The following POFUT2 variants were observed in gnomAD, a reference collection of about 807,000 sequenced individuals.
The protein encoded by POFUT2 is protein O-fucosyltransferase 2.
In POFUT2, 30 loss-of-function variants were observed where a neutral mutation model predicts 55.0. The observed-to-expected ratio is 0.55, with a 90% CI of 0.41 to 0.74. The LOEUF (loss-of-function observed/expected upper bound fraction) is 0.74, where lower values mean the gene tolerates loss of function less well. Among genes scored for constraint, POFUT2 ranks in the 30% least tolerant of loss-of-function variants. The pLI, the probability that POFUT2 is intolerant of heterozygous loss-of-function variation, is 0.00. For missense variants in POFUT2, 524 were observed against 562.6 expected (o/e 0.93, Z 0.69); for synonymous variants, 267 against 231.1 (o/e 1.16, Z -1.41).
At chr21:45,287,680 C>CCCAACA in intron 1 of POFUT2, 61 bp downstream of exon 1, 1 of 1,312,214 alleles carries the variant, frequency 7.6e-7, no homozygotes, top group Non-Finnish European at 9.9e-7. Flanking sequence ...CGCCCCCATC[C>CCCAACA]CATCCTCTGA....
At position 45,284,840 on chromosome 21, in the gene POFUT2, T is replaced by C. The variant is rs1045296636; in HGVS notation, c.382+838A>G. On this transcript the variant is annotated intron_variant, in intron 2 of 8. Coordinates refer to ENST00000349485, the MANE Select transcript of POFUT2 (RefSeq NM_133635.6). This position sits in a 1 kb window ranked among gnomAD's most constrained non-coding sequence, Gnocchi z 5.8. Reference sequence around the variant, plus strand: ...GGAATGCTTTTTACAAGCAGCAGACTTTCTGACTTGGTATCAACAAGGATG... The same window carrying C: ...GGAATGCTTTTTACAAGCAGCAGACCTTCTGACTTGGTATCAACAAGGATG... 6.6e-6 allele frequency among the ~76,000 whole-genome samples: 1 copy of C among 152,188 alleles called. No homozygotes were observed. Among genetic ancestry groups the C allele is most frequent in the African/African-American group, 2.4e-5 (1 of 41,434 alleles).
intron 7 of POFUT2, among the ~76,000 whole-genome samples, chr21:45,268,512 G>A (rs1457281605): frequency 7.2e-5 from 11 of 151,920 alleles, no homozygotes; most frequent in African/African-American, 2.2e-4. Context: ...ATCTCCGCCC[G>A]GCCGCCATCC....
At position 45,267,001 on chromosome 21, in the gene POFUT2, C is replaced by T; in HGVS notation, c.1136+589G>A. The T allele has an allele frequency of 9.5e-7, 1 of 1,050,786 alleles. No individual in the cohort carries two copies. Among genetic ancestry groups the T allele is most frequent in the Non-Finnish European group, 1.1e-6 (1 of 869,706 alleles). 65.1% of individuals were successfully genotyped at this position (1,050,786 alleles called of 1,614,324 possible). A position where few individuals can be genotyped will look rare whatever the true frequency, so the allele number is the denominator to read the frequency against. On this transcript the variant is annotated intron_variant, in intron 8 of 8. Transcript: ENST00000349485. The surrounding 1 kb of genome is among the most constrained non-coding windows in gnomAD (Gnocchi z 4.4). The stretch of plus-strand genomic sequence containing the variant: ...CCAGAGGAATGACTGCACGCAGGGC[C>T]CACGCTCCCGGCCTCTGGGACGCTC...
Position 45,265,263 on chromosome 21 carries a change from C to G in POFUT2, c.*219G>C, listed in dbSNP as rs1221484165. 4.9e-6 allele frequency: 2 copies of G among 412,296 alleles called. No individual in the cohort carries two copies. The highest frequency in any genetic ancestry group is 4.1e-5 in the African/African-American group (2 of 48,436). 25.5% of individuals were successfully genotyped at this position (412,296 alleles called of 1,614,324 possible). On this transcript the variant is annotated 3_prime_UTR_variant, in exon 9 of 9. Coordinates refer to ENST00000349485, the MANE Select transcript of POFUT2 (RefSeq NM_133635.6). This position sits in a 1 kb window ranked among gnomAD's most constrained non-coding sequence, Gnocchi z 4.6. ...ACGCTGCCTGAAAACAACCGCCACC[C>G]CCGAGAGCAGCGGAGCCTCTTCATC...
Position 45,283,364 on chromosome 21 carries a change from G to GAGC in POFUT2, c.527+16_527+18dup. ...GGTGGGGGGGCACCTGCGGCAGGGG[G>GAGC]AGCAGCCTCAGCAGGCACCTGTAGT... On this transcript the variant is annotated intron_variant, in intron 3 of 8. Coordinates refer to ENST00000349485, the MANE Select transcript of POFUT2 (RefSeq NM_133635.6). 1 of 1,586,252 alleles carries GAGC rather than the reference G, an allele frequency of 6.3e-7. No individual in the cohort carries two copies. Among genetic ancestry groups the GAGC allele is most frequent in the Non-Finnish European group, 8.6e-7 (1 of 1,169,326 alleles).
intron 6 of POFUT2, among the ~76,000 whole-genome samples, chr21:45,276,205 C>A (rs2093262107): frequency 6.8e-6 from 1 of 146,696 alleles, no homozygotes; most frequent in South Asian, 2.2e-4. Flanking sequence ...AAAACAAAAA[C>A]AAATTAATTA....
intron 8 of POFUT2, chr21:45,266,515 C>T (rs915022985): frequency 5.5e-6 from 6 of 1,083,544 alleles, no homozygotes; most frequent in East Asian, 7.6e-5. Context: ...TCCTGGGCTG[C>T]GGAGACAGCA....
At chr21:45,280,799 C>T (rs2030542787) in intron 4 of POFUT2, among the ~76,000 whole-genome samples, 1 of 151,818 alleles carries the variant, frequency 6.6e-6, no homozygotes, top group African/African-American at 2.4e-5. Flanking sequence ...GTCTTGGACT[C>T]GCCTCACCCC....
chr21:45,280,920 A>G (rs9974686), intron 4 of POFUT2, among the ~76,000 whole-genome samples: 2 of 152,234 alleles, frequency 1.3e-5, no homozygotes, highest in African/African-American at 2.4e-5. Context: ...CCATTTTTCT[A>G]ATGGACAAAA....
In POFUT2 at chr21:45,283,388, G is replaced by A; in HGVS notation, c.522C>T (p.Tyr174=). The change falls in exon 3 of 9, where the codon TAC becomes TAT. Residue 174 remains tyrosine (Y), a synonymous_variant. Coordinates refer to ENST00000349485, the MANE Select transcript of POFUT2 (RefSeq NM_133635.6). ...QLLYSQDKHE[Y]YRGWFWGYEE... The stretch of plus-strand genomic sequence containing the variant: ...GGAGCAGCCTCAGCAGGCACCTGTA[G>A]TACTCGTGCTTGTCCTGGGAGTACA... The A allele has an allele frequency of 6.2e-7, 1 of 1,607,850 alleles. No individual in the cohort carries two copies.
At chr21:45,283,822 C>T (rs1411207619) in intron 2 of POFUT2, among the ~76,000 whole-genome samples, 1 of 152,176 alleles carries the variant, frequency 6.6e-6, no homozygotes, top group Non-Finnish European at 1.5e-5. Flanking sequence ...GTGAGCCCAT[C>T]CGGCCCTCAC....
intron 8 of POFUT2, chr21:45,266,607 C>T (rs1412458573): frequency 5.8e-6 from 6 of 1,033,970 alleles, no homozygotes; most frequent in Non-Finnish European, 7.0e-6. Flanking sequence ...CACACCTCCG[C>T]CCTGACCTAA....
chr21:45,269,978 G>A lies in POFUT2; in HGVS notation c.873C>T (p.Val291=), dbSNP rs1260029822. The change falls in exon 7 of 9, where the codon GTC becomes GTT. Residue 291 remains valine (V), a synonymous_variant. Coordinates refer to ENST00000349485, the MANE Select transcript of POFUT2 (RefSeq NM_133635.6). ...GSALGGPYLG[V]HLRRKDFIWG... Reference sequence around the variant, plus strand: ...AGATGAAATCTTTTCTTCTCAGGTGGACTCCCAGGTAGGGGCCCCCTAGCG... The same window carrying A: ...AGATGAAATCTTTTCTTCTCAGGTGAACTCCCAGGTAGGGGCCCCCTAGCG... The A allele has an allele frequency of 1.3e-6, 2 of 1,583,466 alleles. No individual in the cohort carries two copies. The highest frequency in any genetic ancestry group is 3.9e-5 in the Admixed American group (2 of 51,928).
chr21:45,279,655 G>C (rs1329235676), intron 4 of POFUT2, among the ~76,000 whole-genome samples: 1 of 152,166 alleles, frequency 6.6e-6, no homozygotes, highest in Non-Finnish European at 1.5e-5. Context: ...TCTGAGGACT[G>C]CACCAAGGGC....
At chr21:45,266,449 G>A (rs952503673) in intron 8 of POFUT2, 4 of 1,152,334 alleles carry the variant, frequency 3.5e-6, no homozygotes, top group South Asian at 1.7e-5. Context: ...CGAGCGCTTC[G>A]CGCAGCTGAG....
At position 45,267,527 on chromosome 21, in the gene POFUT2, G is replaced by A. The variant is rs2093167488; in HGVS notation, c.1136+63C>T. 5 of 1,614,140 alleles carry A rather than the reference G, an allele frequency of 3.1e-6. No homozygotes were observed. The highest frequency in any genetic ancestry group is 2.2e-5 in the East Asian group (1 of 44,870). On this transcript the variant is annotated intron_variant, in intron 8 of 8. Coordinates refer to ENST00000349485, the MANE Select transcript of POFUT2 (RefSeq NM_133635.6). The surrounding 1 kb of genome is among the most constrained non-coding windows in gnomAD (Gnocchi z 4.4). ...CATCTGCTCTGACACCGAGTACTTG[G>A]GACAGAAGAACCTTTGAAAGCCACC...
intron 7 of POFUT2, among the ~76,000 whole-genome samples, chr21:45,269,577 C>G (rs369124911): frequency 4.7e-4 from 72 of 152,034 alleles, no homozygotes; most frequent in Admixed American, 1.5e-3. Flanking sequence ...GTTAAACAGA[C>G]GCTTGAAGGC....
Position 45,282,979 on chromosome 21 carries a change from A to G in POFUT2, c.527+404T>C. On this transcript the variant is annotated intron_variant, in intron 3 of 8. Coordinates refer to ENST00000349485, the MANE Select transcript of POFUT2 (RefSeq NM_133635.6). The surrounding 1 kb of genome is among the most constrained non-coding windows in gnomAD (Gnocchi z 4.6). Reference sequence around the variant, plus strand: ...AATGCATGAAAAGACACAGGGAAAGAGGCACGGGGTCTCAGCCAGATGTTC... The same window carrying G: ...AATGCATGAAAAGACACAGGGAAAGGGGCACGGGGTCTCAGCCAGATGTTC... 2.1e-6 allele frequency: 1 copy of G among 467,728 alleles called. No homozygotes were observed. The highest frequency in any genetic ancestry group is 4.4e-6 in the Non-Finnish European group (1 of 225,246). 29.0% of individuals were successfully genotyped at this position (467,728 alleles called of 1,614,324 possible).
rs1385849614 is a variant in POFUT2, at chr21:45,267,782, C to A, written c.1013-69G>T. On this transcript the variant is annotated intron_variant, in intron 7 of 8. Transcript: ENST00000349485. This position sits in a 1 kb window ranked among gnomAD's most constrained non-coding sequence, Gnocchi z 4.4. ...TAAGGACAGATACGTGACTCTTTAG[C>A]AGACAGACATGCGTACTTGGCTTCT... 8 of 1,397,988 alleles carry A rather than the reference C, an allele frequency of 5.7e-6. No homozygotes were observed. Among genetic ancestry groups the A allele is most frequent in the Non-Finnish European group, 7.0e-6 (7 of 996,744 alleles). The allele number at this position is 1,397,988 out of a possible 1,614,324, so 86.6% of individuals were successfully genotyped here. A position where few individuals can be genotyped will look rare whatever the true frequency, so the allele number is the denominator to read the frequency against.
Sources: allele counts gnomAD v4.1 joint callset (sites outside exome capture counted in the v4.1 genomes callset), GRCh38; gene constraint gnomAD v4.1.1; non-coding constraint Gnocchi (gnomAD v3.1); transcripts MANE v1.5; gene names NCBI Gene and HGNC (gene_info 2026-07-23, HGNC 2026-07-21).